The following RBFOX1 variants were observed in gnomAD, a reference collection of about 807,000 sequenced individuals.
RBFOX1 encodes the protein RNA binding protein fox-1 homolog 1.
Under a neutral mutation model 57.7 loss-of-function variants are expected in RBFOX1, and 8 were observed. The ratio of observed to expected loss-of-function variants is 0.14; its 90% CI spans 0.08 to 0.25. The LOEUF (loss-of-function observed/expected upper bound fraction) is 0.25, where lower values mean the gene tolerates loss of function less well. Ranked by LOEUF, RBFOX1 falls within the 10% of genes least tolerant of loss-of-function variation. The pLI is 1.00. For synonymous variants in RBFOX1, 326 were observed against 222.4 expected, an observed-to-expected ratio of 1.47 and a Z score of -4.15; for missense variants, 611 against 548.5, an observed-to-expected ratio of 1.11 and a Z score of -1.14.
chr16:7,321,951 C>G (rs1219173582), intron 4 of RBFOX1, among the ~76,000 whole-genome samples: 1 of 152,206 alleles, frequency 6.6e-6, no homozygotes, highest in Non-Finnish European at 1.5e-5. Context: ...AGAGGTTCAG[C>G]TGCACAGCTT....
At chr16:5,935,054 C>G (rs1185644972) in intron 4 of RBFOX1, among the ~76,000 whole-genome samples, 1 of 152,224 alleles carries the variant, frequency 6.6e-6, no homozygotes, top group African/African-American at 2.4e-5. Context: ...TGTCTACACC[C>G]TCAGCTTTTA....
intron 3 of RBFOX1, chr16:6,703,926 C>T (rs2062266876): frequency 6.6e-6 from 1 of 152,284 alleles, no homozygotes; most frequent in Non-Finnish European, 1.5e-5. Flanking sequence ...AAAGAGGCCT[C>T]AGCTTCCCAG....
intron 3 of RBFOX1, among the ~76,000 whole-genome samples, chr16:5,727,847 C>T (rs1048855349): frequency 2.0e-5 from 3 of 152,110 alleles, no homozygotes; most frequent in African/African-American, 7.2e-5. Flanking sequence ...GCCACCATGC[C>T]CACTAATATT....
intron 2 of RBFOX1, among the ~76,000 whole-genome samples, chr16:6,600,250 A>G (rs2097835369): frequency 6.6e-6 from 1 of 151,968 alleles, no homozygotes; most frequent in Non-Finnish European, 1.5e-5. Flanking sequence ...ACCAGACAGA[A>G]TCTCGGGGCT....
rs555769898 is a variant in RBFOX1, at chr16:6,830,254, C to T, written c.-16+175604C>T. ...TTAATGTGTGTGAAGACATCAGTAT[C>T]TAAGAAAAGATTGTGCATTCTGATA... On this transcript the variant is annotated intron_variant, in intron 3 of 15. Coordinates refer to ENST00000550418, the MANE Select transcript of RBFOX1 (RefSeq NM_018723.4). 3.3e-3 allele frequency among the ~76,000 whole-genome samples: 502 copies of T among 152,262 alleles called. 3 individuals carry two copies. The highest frequency in any genetic ancestry group is 0.012 in the African/African-American group (479 of 41,562).
At chr16:5,658,347 A>T (rs1004897228) in intron 3 of RBFOX1, among the ~76,000 whole-genome samples, 1 of 152,150 alleles carries the variant, frequency 6.6e-6, no homozygotes, top group Non-Finnish European at 1.5e-5. Context: ...AGCTGAAACA[A>T]GCTGAGGGGA....
intron 1 of RBFOX1, among the ~76,000 whole-genome samples, chr16:6,231,523 A>C (rs572678336): frequency 6.6e-6 from 1 of 152,214 alleles, no homozygotes; most frequent in Admixed American, 6.5e-5. Flanking sequence ...TCATGTTGGC[A>C]TTAACGCTAA....
At chr16:5,555,472 A>C (rs2045633353) in intron 2 of RBFOX1, among the ~76,000 whole-genome samples, 1 of 151,676 alleles carries the variant, frequency 6.6e-6, no homozygotes, top group African/African-American at 2.4e-5. Flanking sequence ...GCTGGTCTTG[A>C]ACTCCTGACC....
intron 3 of RBFOX1, among the ~76,000 whole-genome samples, chr16:5,841,030 A>G (rs2056608237): frequency 6.6e-6 from 1 of 152,214 alleles, no homozygotes; most frequent in Non-Finnish European, 1.5e-5. Flanking sequence ...TGCTGCAGAT[A>G]ACGTCTCAGG....
In RBFOX1 at chr16:6,313,784, C is replaced by T. The variant is rs572310905; in HGVS notation, c.-126-3211C>T. On this transcript the variant is annotated intron_variant, in intron 1 of 15. Coordinates refer to ENST00000550418, the MANE Select transcript of RBFOX1 (RefSeq NM_018723.4). Reference sequence around the variant, plus strand: ...CTCCCTGGTCACAAATTGCTCTTCACGTAGTTTGCAAGAGTAATTGCAAAC... The same window carrying T: ...CTCCCTGGTCACAAATTGCTCTTCATGTAGTTTGCAAGAGTAATTGCAAAC... Among the ~76,000 whole-genome samples the T allele has an allele frequency of 2.1e-4, 32 of 151,114 alleles. No individual in the cohort carries two copies. In the South Asian group the frequency reaches 3.2e-3, roughly 15 times the overall value.
intron 3 of RBFOX1, among the ~76,000 whole-genome samples, chr16:6,994,526 A>G (rs1414306759): frequency 1.3e-5 from 2 of 152,138 alleles, no homozygotes; most frequent in African/African-American, 2.4e-5. Context: ...ATTTTCTTGC[A>G]TTTTTTAATA....
chr16:5,687,500 G>A (rs1425025944), intron 3 of RBFOX1, among the ~76,000 whole-genome samples: 1 of 152,180 alleles, frequency 6.6e-6, no homozygotes, highest in Non-Finnish European at 1.5e-5. Flanking sequence ...TCATTCTGAA[G>A]CTATGTTCGA....
chr16:5,612,196 C>T (rs1364111821), intron 3 of RBFOX1, among the ~76,000 whole-genome samples: 1 of 132,338 alleles, frequency 7.6e-6, no homozygotes. Context: ...TCCATTCATT[C>T]ATTCTCCCCT....
rs541682361 is a variant in RBFOX1 at position 7,262,432 on chromosome 16, T to A, written c.27+210334T>A. Among the ~76,000 whole-genome samples, 7 of 152,340 alleles carry A rather than the reference T, an allele frequency of 4.6e-5. No homozygotes were observed. The East Asian group carries it at 1.3e-3, about 29-fold the overall frequency. ...TACGGCACTGAAAAATTGCAATAAGTGAAAGGTAAATAACTGGATATATGT... is the reference window on the plus strand; with the variant it reads ...TACGGCACTGAAAAATTGCAATAAGAGAAAGGTAAATAACTGGATATATGT... On this transcript the variant is annotated intron_variant, in intron 4 of 15. Coordinates refer to ENST00000550418, the MANE Select transcript of RBFOX1 (RefSeq NM_018723.4).
intron 4 of RBFOX1, among the ~76,000 whole-genome samples, chr16:7,224,719 C>T (rs1249205952): frequency 6.6e-6 from 1 of 152,158 alleles, no homozygotes; most frequent in African/African-American, 2.4e-5. Context: ...TAAAACCAAT[C>T]AATGGGAATT....
At chr16:5,262,145 G>C (rs1461681411) in intron 1 of RBFOX1, among the ~76,000 whole-genome samples, 1 of 152,176 alleles carries the variant, frequency 6.6e-6, no homozygotes, top group Admixed American at 6.5e-5. Flanking sequence ...TTAGTTAAGA[G>C]GTAACATTTG....
At chr16:6,094,509 C>T (rs1047285986) in intron 1 of RBFOX1, among the ~76,000 whole-genome samples, 1 of 152,072 alleles carries the variant, frequency 6.6e-6, no homozygotes, top group African/African-American at 2.4e-5. Flanking sequence ...AGAATACCAA[C>T]AGTAGCAAGC....
chr16:7,674,615 C>G (rs932763502), intron 13 of RBFOX1, among the ~76,000 whole-genome samples: 2 of 152,146 alleles, frequency 1.3e-5, no homozygotes, highest in Non-Finnish European at 2.9e-5. Context: ...GACTTGTGCC[C>G]GTCTTGTCTG....
chr16:7,367,322 A>T (rs1344350638), intron 4 of RBFOX1, among the ~76,000 whole-genome samples: 1 of 152,162 alleles, frequency 6.6e-6, no homozygotes, highest in Non-Finnish European at 1.5e-5. Context: ...GTTGGTTCTG[A>T]AGAAGTCCTG....
Sources: gnomAD v4.1 joint callset for allele counts (sites outside exome capture counted in the v4.1 genomes callset) on GRCh38, gnomAD v4.1.1 for gene constraint, MANE v1.5 for transcripts, NCBI Gene and HGNC (gene_info 2026-07-23, HGNC 2026-07-21) for gene names.